Variants in NXPE3 observed in about 807,000 individuals in gnomAD.
The protein encoded by NXPE3 is NXPE family member 3.
In NXPE3, 26 loss-of-function variants were observed where a neutral mutation model predicts 46.1. The observed-to-expected ratio is 0.56, with a 90% confidence interval of 0.41 to 0.78. The LOEUF (loss-of-function observed/expected upper bound fraction) is 0.78, where lower values mean the gene tolerates loss of function less well. Among genes scored for constraint, NXPE3 ranks in the 30% least tolerant of loss-of-function variants. The probability of loss-of-function intolerance (pLI) is 0.00; values close to 1 mark genes in which losing one functional copy is unlikely to be tolerated. For synonymous variants in NXPE3, 272 were observed against 257.9 expected, an observed-to-expected ratio of 1.05 and a Z score of -0.52; for missense variants, 620 against 686.0, an observed-to-expected ratio of 0.90 and a Z score of 1.07.
chr3:101,786,976 A>G (rs1940224458), intron 4 of NXPE3, among the ~76,000 whole-genome samples: 1 of 152,004 alleles, frequency 6.6e-6, no homozygotes, highest in Non-Finnish European at 1.5e-5. Flanking sequence ...TAATCCCAGC[A>G]CTTTGGGAGG....
intron 2 of NXPE3, 26 bp from the exon 3 acceptor site, chr3:101,782,629 CTTTAT>C (rs989038934): frequency 4.0e-5 from 6 of 151,840 alleles, no homozygotes; most frequent in Non-Finnish European, 5.9e-5. Flanking sequence ...TGGTTTTATT[CTTTAT>C]TTTATTTCAT....
Position 101,821,956 on chromosome 3 carries a change from C to T in NXPE3, c.*2C>T. On this transcript the variant is annotated 3_prime_UTR_variant, in exon 8 of 8. Coordinates refer to ENST00000273347, the MANE Select transcript of NXPE3 (RefSeq NM_145037.4). ...TTTGTGTGCCCCTTGGAAACCTAGC[C>T]TGTCTTGGAAGGGACTGGAGGAATC... 6.2e-7 allele frequency: 1 copy of T among 1,611,698 alleles called. No homozygotes were observed. The highest frequency in any genetic ancestry group is 8.5e-7 in the Non-Finnish European group (1 of 1,178,188).
chr3:101,782,556 C>T (rs536608670), intron 2 of NXPE3, 104 bp from the exon 3 acceptor site: 5 of 152,188 alleles, frequency 3.3e-5, no homozygotes, highest in Admixed American at 3.3e-4. Context: ...GAATTGATTT[C>T]ACAGATGTGA....
rs1400578469 is a variant in NXPE3 at position 101,816,966 on chromosome 3, G to T, written c.1094G>T (p.Arg365Met). The stretch of plus-strand genomic sequence containing the variant: ...CATTTATTTGGTGACTCAACAATCA[G>T]GCAATGGTTTGAATACCTTACTACA... Reference protein sequence around the residue: ...VVHLFGDSTIRQWFEYLTTFV... With the variant: ...VVHLFGDSTIMQWFEYLTTFV... Residue 365 changes from arginine (R) to methionine (M), a missense_variant, in exon 7 of 8, where the codon AGG becomes ATG. Arg to Met is a moderately conservative substitution (Grantham distance 91, BLOSUM62 -1). This residue lies in a region of NXPE3 where 511 missense variants were observed against 528.6 expected (regional missense o/e 0.97). Coordinates refer to ENST00000273347, the MANE Select transcript of NXPE3 (RefSeq NM_145037.4). 5 of 1,614,128 alleles carry T rather than the reference G, an allele frequency of 3.1e-6. No individual in the cohort carries two copies. The highest frequency in any genetic ancestry group is 4.2e-6 in the Non-Finnish European group (5 of 1,180,008).
rs115757137 is a variant in NXPE3, at chr3:101,793,324, C to G, written c.93+7635C>G. Among the ~76,000 whole-genome samples the G allele has an allele frequency of 2.9e-3, 447 of 152,222 alleles. 1 individual carries two copies. The highest frequency in any genetic ancestry group is 4.9e-3 in the Non-Finnish European group (331 of 68,010). ...AATATAAGTGGTGAGAGGTGACATGCTTTTCTTGTGCTGGTTTTCACGGGG... is the reference window on the plus strand; with the variant it reads ...AATATAAGTGGTGAGAGGTGACATGGTTTTCTTGTGCTGGTTTTCACGGGG... On this transcript the variant is annotated intron_variant, in intron 4 of 7. Transcript: ENST00000273347.
chr3:101,801,362 AGC>A lies in NXPE3; in HGVS notation c.224_225del (p.Arg75HisfsTer16), dbSNP rs751185879. ...GATCAGCAGACCCTGTCCAGCCAGG[AGC>A]GCATGGAGGAGGACTCCTTGCTGGC... On this transcript the variant is annotated frameshift_variant, in exon 5 of 8. Transcript: ENST00000273347. LOFTEE classifies it high-confidence loss of function. 26 of 1,614,226 alleles carry A rather than the reference AGC, an allele frequency of 1.6e-5. No homozygotes were observed. The highest frequency in any genetic ancestry group is 2.2e-5 in the Non-Finnish European group (26 of 1,180,054).
At chr3:101,785,787 T>A in intron 4 of NXPE3, 98 bp downstream of exon 4, 1 of 870,740 alleles carries the variant, frequency 1.1e-6, no homozygotes, top group Non-Finnish European at 2.0e-6. Context: ...AAGATTATCG[T>A]AGTCACAGTT....
At chr3:101,815,922 G>A (rs1941950030) in intron 6 of NXPE3, among the ~76,000 whole-genome samples, 1 of 152,184 alleles carries the variant, frequency 6.6e-6, no homozygotes, top group South Asian at 2.1e-4. Flanking sequence ...CTTGAACCCA[G>A]GAGGCAGAGG....
intron 6 of NXPE3, 51 bp downstream of exon 6, chr3:101,807,177 T>C: frequency 7.2e-7 from 1 of 1,384,040 alleles, no homozygotes; most frequent in Non-Finnish European, 1.0e-6. Flanking sequence ...ACTAACTGGG[T>C]TGAGGCTCTG....
Position 101,822,540 on chromosome 3 carries a change from A to T in NXPE3, c.*586A>T, listed in dbSNP as rs536903001. On this transcript the variant is annotated 3_prime_UTR_variant, in exon 8 of 8. Coordinates refer to ENST00000273347, the MANE Select transcript of NXPE3 (RefSeq NM_145037.4). ...GGTTCGAGTTTTTTAGTGAATATTT[A>T]CAATTTCCTGCTTTTATCTAGAAAA... The T allele has an allele frequency of 6.6e-6, 1 of 152,418 alleles. No individual in the cohort carries two copies. Among genetic ancestry groups the T allele is most frequent in the South Asian group, 2.1e-4 (1 of 4,828 alleles). 9.4% of individuals were successfully genotyped at this position (152,418 alleles called of 1,614,324 possible).
At chr3:101,781,046 C>G (rs181182199) in intron 1 of NXPE3, among the ~76,000 whole-genome samples, 2 of 152,184 alleles carry the variant, frequency 1.3e-5, no homozygotes, top group Non-Finnish European at 2.9e-5. Flanking sequence ...TACTCAGCAT[C>G]CTATGAAATA....
chr3:101,798,779 A>T (rs1461961586), intron 4 of NXPE3, among the ~76,000 whole-genome samples: 1 of 151,408 alleles, frequency 6.6e-6, no homozygotes, highest in Non-Finnish European at 1.5e-5. Flanking sequence ...CACCCAGCTA[A>T]ATTTTTGTAT....
chr3:101,785,743 G>C, intron 4 of NXPE3, 54 bp downstream of exon 4: 6 of 1,435,174 alleles, frequency 4.2e-6, no homozygotes, highest in Non-Finnish European at 5.9e-6. Context: ...TGGGGATCTG[G>C]GGCTAACTAG....
chr3:101,781,745 C>G (rs1044781228), intron 1 of NXPE3: 1 of 152,004 alleles, frequency 6.6e-6, no homozygotes, highest in Non-Finnish European at 1.5e-5. Context: ...CCCCTTTTTT[C>G]TGTAGGGGAA....
At chr3:101,786,949 G>A (rs745919714) in intron 4 of NXPE3, among the ~76,000 whole-genome samples, 1 of 151,972 alleles carries the variant, frequency 6.6e-6, no homozygotes, top group Non-Finnish European at 1.5e-5. Flanking sequence ...TAGGTCAGGC[G>A]CAGTGGCTCA....
intron 4 of NXPE3, among the ~76,000 whole-genome samples, chr3:101,788,249 G>A (rs1300777481): frequency 6.6e-6 from 1 of 152,102 alleles, no homozygotes; most frequent in Non-Finnish European, 1.5e-5. Flanking sequence ...TTGTTGAGTT[G>A]TAGGAGTTCT....
At chr3:101,806,057 A>G (rs979076565) in intron 5 of NXPE3, among the ~76,000 whole-genome samples, 4 of 152,090 alleles carry the variant, frequency 2.6e-5, no homozygotes, top group Admixed American at 1.3e-4. Flanking sequence ...TTCCTTCATT[A>G]CTTGTTTTTT....
intron 6 of NXPE3, among the ~76,000 whole-genome samples, chr3:101,814,462 A>G (rs1941874596): frequency 6.6e-6 from 1 of 152,252 alleles, no homozygotes; most frequent in Non-Finnish European, 1.5e-5. Context: ...GAACCTGCAA[A>G]GAATTAGCAG....
In NXPE3 at chr3:101,801,422, C is replaced by T; in HGVS notation, c.281C>T (p.Pro94Leu). ...CACCGGCAGGTTCCTGATGTGGGCC[C>T]AGTCCCCTTTGTGAAGAGCACTGAC... The part of the protein sequence containing the change: ...ALHRQVPDVG[P>L]VPFVKSTDPS... The change falls in exon 5 of 8, where the codon CCA becomes CTA. Residue 94 changes from proline to leucine, a missense_variant. Physicochemically the swap from Pro to Leu is moderately conservative, Grantham distance 98. Transcript: ENST00000273347. The T allele has an allele frequency of 6.2e-7, 1 of 1,614,206 alleles. No homozygotes were observed.
Sources: allele counts gnomAD v4.1 joint callset (sites outside exome capture counted in the v4.1 genomes callset), GRCh38; gene constraint gnomAD v4.1.1; regional missense constraint gnomAD v4.1.1; transcripts MANE v1.5; gene names NCBI Gene and HGNC (gene_info 2026-07-23, HGNC 2026-07-21).